NCKAP5: variants seen among roughly 807,000 people sequenced by gnomAD.
NCKAP5 encodes the protein nck-associated protein 5.
A neutral mutation model predicts 167.0 loss-of-function variants in NCKAP5; 92 were observed. The observed-to-expected ratio is 0.55, with a 90% CI of 0.47 to 0.66. The LOEUF (loss-of-function observed/expected upper bound fraction) is 0.66. Among genes scored for constraint, NCKAP5 ranks in the 30% least tolerant of loss-of-function variants. The pLI is 0.00. For missense variants in NCKAP5, 2,378 were observed against 2,315.0 expected, an observed-to-expected ratio of 1.03 and a Z score of -0.56; for synonymous variants, 891 against 877.4, an observed-to-expected ratio of 1.02 and a Z score of -0.27.
rs183938256 is a variant in NCKAP5, at chr2:133,107,829, G to A, written c.341+22149C>T. Among the ~76,000 whole-genome samples the A allele has an allele frequency of 6.4e-4, 97 of 152,298 alleles. 1 individual carries two copies. The highest frequency in any genetic ancestry group is 6.3e-3 in the Admixed American group (96 of 15,304). ...TCGTCTTATTTCTGCCCATCATGAA[G>A]GCATATTCCTCTAAGGTAGGAAATA... On this transcript the variant is annotated intron_variant, in intron 6 of 19. Transcript: ENST00000409261.
chr2:133,079,511 G>A (rs1204097150), intron 6 of NCKAP5, among the ~76,000 whole-genome samples: 1 of 152,152 alleles, frequency 6.6e-6, no homozygotes, highest in Non-Finnish European at 1.5e-5. Context: ...TTGCCCAGTA[G>A]AAAGTAATCC....
intron 3 of NCKAP5, among the ~76,000 whole-genome samples, chr2:133,393,615 T>C (rs1306680693): frequency 4.6e-5 from 7 of 152,208 alleles, no homozygotes; most frequent in African/African-American, 1.7e-4. Flanking sequence ...AGCTTACAGA[T>C]TGATATATAA....
intron 6 of NCKAP5, among the ~76,000 whole-genome samples, chr2:133,109,013 C>T (rs2081816387): frequency 1.3e-5 from 2 of 152,170 alleles, no homozygotes; most frequent in African/African-American, 4.8e-5. Flanking sequence ...GCTCTATACT[C>T]TTTCTCCTTC....
intron 10 of NCKAP5, among the ~76,000 whole-genome samples, chr2:132,863,994 C>G (rs1189885729): frequency 2.0e-5 from 3 of 152,168 alleles, no homozygotes; most frequent in Non-Finnish European, 4.4e-5. Flanking sequence ...AACACTTTGA[C>G]ATAAAGGAAT....
chr2:133,125,926 T>G (rs1456328261), intron 6 of NCKAP5, among the ~76,000 whole-genome samples: 1 of 152,094 alleles, frequency 6.6e-6, no homozygotes, highest in Non-Finnish European at 1.5e-5. Flanking sequence ...GAAGAACAGA[T>G]TGTGGCTGAA....
intron 4 of NCKAP5, among the ~76,000 whole-genome samples, chr2:133,228,072 C>G (rs919099007): frequency 6.6e-5 from 10 of 152,124 alleles, no homozygotes; most frequent in Non-Finnish European, 1.5e-4. Flanking sequence ...GGAGTAAGAT[C>G]CTGATTGGCA....
In NCKAP5 at chr2:133,450,156, CACA is replaced by C. The variant is rs1008625344; in HGVS notation, c.69+67299_69+67301del. Among the ~76,000 whole-genome samples the C allele has an allele frequency of 2.0e-3, 305 of 151,506 alleles. 1 individual carries two copies. The highest frequency in any genetic ancestry group is 6.9e-3 in the African/African-American group (281 of 40,838). ...ACACGCGCGTGCGTGCGTGCACACA[CACA>C]ACAATTTAAAGGTTTAAAAGAAAGC... On this transcript the variant is annotated intron_variant, in intron 3 of 19. Transcript: ENST00000409261.
the NCKAP5 span, among the ~76,000 whole-genome samples, chr2:133,612,220 G>T: frequency 6.6e-6 from 1 of 152,112 alleles, no homozygotes; most frequent in Admixed American, 6.5e-5. Flanking sequence ...CCAGAGAGAT[G>T]CTCCCAGCTT....
chr2:133,047,755 A>T (rs1383105995), intron 6 of NCKAP5, among the ~76,000 whole-genome samples: 1 of 152,220 alleles, frequency 6.6e-6, no homozygotes, highest in Non-Finnish European at 1.5e-5. Context: ...CAGGGAGTCA[A>T]CATTCACAGT....
intron 4 of NCKAP5, among the ~76,000 whole-genome samples, chr2:133,232,919 T>C (rs2087219902): frequency 6.6e-6 from 1 of 152,186 alleles, no homozygotes; most frequent in Non-Finnish European, 1.5e-5. Context: ...AATCTGAGTG[T>C]ATAGATGAAA....
the NCKAP5 span, among the ~76,000 whole-genome samples, chr2:133,613,622 C>T: frequency 1.3e-5 from 2 of 152,198 alleles, no homozygotes; most frequent in Non-Finnish European, 2.9e-5. Flanking sequence ...CCATAGCTCT[C>T]CTGCCGCTCC....
At chr2:133,443,287 A>C (rs917798509) in intron 3 of NCKAP5, among the ~76,000 whole-genome samples, 2 of 152,014 alleles carry the variant, frequency 1.3e-5, no homozygotes, top group African/African-American at 4.8e-5. Context: ...GCCTGGTTCC[A>C]CTTTCTGTTG....
Position 132,785,407 on chromosome 2 carries a change from A to T in NCKAP5, c.1404T>A (p.Phe468Leu), listed in dbSNP as rs767584030. 1 of 1,613,972 alleles carries T rather than the reference A, an allele frequency of 6.2e-7. No homozygotes were observed. The highest frequency in any genetic ancestry group is 1.7e-5 in the Admixed American group (1 of 60,024). The change falls in exon 14 of 20, where the codon TTT (phenylalanine) becomes TTA (leucine). Residue 468 changes from phenylalanine to leucine, a missense_variant. Coordinates refer to ENST00000409261, the MANE Select transcript of NCKAP5 (RefSeq NM_207363.3). The stretch of plus-strand genomic sequence containing the variant: ...CAACGTGGGAATCTAGATCATAAAC[A>T]AATGTCTTGTGGGGTTCCTTGCAGG... ...GSPCKEPHKT[F>L]VYDLDSHVDA...
the NCKAP5 span, among the ~76,000 whole-genome samples, chr2:133,648,891 C>T: frequency 7.0e-6 from 1 of 142,330 alleles, no homozygotes; most frequent in African/African-American, 2.6e-5. Context: ...AAGGAAGTAA[C>T]AAAGATGAGA....
chr2:133,491,944 G>A (rs531684340), intron 3 of NCKAP5, among the ~76,000 whole-genome samples: 1 of 152,114 alleles, frequency 6.6e-6, no homozygotes, highest in Non-Finnish European at 1.5e-5. Context: ...TGTCCTTCAC[G>A]CATTTTTACT....
intron 11 of NCKAP5, among the ~76,000 whole-genome samples, chr2:132,821,994 C>A (rs1574331398): frequency 6.6e-6 from 1 of 151,986 alleles, no homozygotes; most frequent in African/African-American, 2.4e-5. Flanking sequence ...CCACCCATTA[C>A]CTGAAAAACC....
At chr2:132,683,882 G>C (rs1279708314) in intron 19 of NCKAP5, among the ~76,000 whole-genome samples, 1 of 152,162 alleles carries the variant, frequency 6.6e-6, no homozygotes, top group African/African-American at 2.4e-5. Context: ...CTACCTGAGT[G>C]ATAAACCTAC....
chr2:133,604,955 A>G, the NCKAP5 span, among the ~76,000 whole-genome samples: 10,345 of 152,266 alleles, frequency 0.068, 984 homozygotes, highest in East Asian at 0.36. Context: ...TACAAGACAC[A>G]GTGATGAGAA....
chr2:133,209,387 C>T lies in NCKAP5; in HGVS notation c.207+4329G>A, dbSNP rs149786998. On this transcript the variant is annotated intron_variant, in intron 5 of 19. Transcript: ENST00000409261. ...AAACAAATATAAAACATCTAGTATG[C>T]TGAGGAAAGTTGCCAAAAATAAAGA... 7.1e-3 allele frequency among the ~76,000 whole-genome samples: 1,040 copies of T among 147,136 alleles called. 11 individuals carry two copies. The highest frequency in any genetic ancestry group is 0.025 in the African/African-American group (978 of 39,580).
Sources: gnomAD v4.1 joint callset for allele counts (sites outside exome capture counted in the v4.1 genomes callset) on GRCh38, gnomAD v4.1.1 for gene constraint, MANE v1.5 for transcripts, NCBI Gene and HGNC (gene_info 2026-07-23, HGNC 2026-07-21) for gene names.